Variants in CNBD1 observed in about 807,000 individuals in gnomAD.
CNBD1 encodes the protein cyclic nucleotide binding domain containing 1.
CNBD1 carries 71 observed loss-of-function variants against 54.4 expected under a neutral mutation model. The observed-to-expected ratio is 1.30, with a 90% confidence interval of 1.08 to 1.59. The LOEUF (loss-of-function observed/expected upper bound fraction) is 1.59, where lower values mean the gene tolerates loss of function less well. Ranked by LOEUF, CNBD1 falls within the 40% of genes most tolerant of loss-of-function variation. The pLI, the probability that CNBD1 is intolerant of heterozygous loss-of-function variation, is 0.00. For synonymous variants in CNBD1, 182 were observed against 170.7 expected (o/e 1.07, Z -0.51); for missense variants, 659 against 518.0 (o/e 1.27, Z -2.64).
chr8:87,099,065 A>AAAAAAAAAAAAAAAAAC (rs978372704), intron 4 of CNBD1, among the ~76,000 whole-genome samples: 3 of 144,064 alleles, frequency 2.1e-5, no homozygotes, highest in African/African-American at 8.3e-5. Context: ...AAAAAACAAA[A>AAAAAAAAAAAAAAAAAC]CTCCAAATTT....
chr8:87,133,327 A>G (rs1812159811), intron 4 of CNBD1, among the ~76,000 whole-genome samples: 1 of 152,100 alleles, frequency 6.6e-6, no homozygotes, highest in Non-Finnish European at 1.5e-5. Flanking sequence ...TGTATCCTCA[A>G]CATTGTGAAG....
At chr8:87,331,071 T>A (rs1809816860) in intron 8 of CNBD1, among the ~76,000 whole-genome samples, 1 of 152,172 alleles carries the variant, frequency 6.6e-6, no homozygotes, top group African/African-American at 2.4e-5. Context: ...TTTTTTACTT[T>A]AAGTTCGAGG....
chr8:87,248,204 C>T (rs1807845725), intron 6 of CNBD1, among the ~76,000 whole-genome samples: 1 of 152,146 alleles, frequency 6.6e-6, no homozygotes, highest in African/African-American at 2.4e-5. Flanking sequence ...GGTTGTGTAC[C>T]ATGGTGACTC....
Position 87,074,455 on chromosome 8 carries a change from G to T in CNBD1, c.432-131538G>T, listed in dbSNP as rs147781634. Among the ~76,000 whole-genome samples the T allele has an allele frequency of 4.3e-3, 661 of 152,184 alleles. 5 individuals are homozygous for T. The highest frequency in any genetic ancestry group is 0.015 in the African/African-American group (621 of 41,524). On this transcript the variant is annotated intron_variant, in intron 4 of 10. Transcript: ENST00000518476. Reference sequence around the variant, plus strand: ...TACAGACAGATCTCCCACCTTTTTGGGGATCCTGGGGCTGGAGTATGTAAA... The same window carrying T: ...TACAGACAGATCTCCCACCTTTTTGTGGATCCTGGGGCTGGAGTATGTAAA...
chr8:87,219,380 C>T (rs1319643247), intron 5 of CNBD1, among the ~76,000 whole-genome samples: 14 of 151,960 alleles, frequency 9.2e-5, no homozygotes, highest in Non-Finnish European at 2.1e-4. Flanking sequence ...TACATGTGGA[C>T]GTGATTACAC....
intron 10 of CNBD1, among the ~76,000 whole-genome samples, chr8:87,359,267 C>T (rs760406114): frequency 6.8e-6 from 1 of 146,610 alleles, no homozygotes; most frequent in Non-Finnish European, 1.5e-5. Context: ...AGTCTGCATA[C>T]ATCAGACTAT....
chr8:87,388,893 T>G (rs192282400), intron 2 of CNBD1, among the ~76,000 whole-genome samples: 1 of 152,276 alleles, frequency 6.6e-6, no homozygotes, highest in Non-Finnish European at 1.5e-5. Flanking sequence ...ATCAAAAAGC[T>G]TATCCAACAT....
chr8:87,336,985 T>C (rs1809956535), intron 8 of CNBD1, among the ~76,000 whole-genome samples: 2 of 152,120 alleles, frequency 1.3e-5, no homozygotes. Context: ...TGCTGGGGGT[T>C]CACTTCAGGT....
chr8:87,317,657 G>A (rs998410716), intron 8 of CNBD1, among the ~76,000 whole-genome samples: 1 of 151,748 alleles, frequency 6.6e-6, no homozygotes, highest in Non-Finnish European at 1.5e-5. Flanking sequence ...CTTGTGTTAT[G>A]GCTCAGAATA....
At chr8:87,384,672 T>A (rs186172706), downstream of CNBD1, among the ~76,000 whole-genome samples, 2 of 152,306 alleles carry the variant, frequency 1.3e-5, no homozygotes, top group East Asian at 3.9e-4. Context: ...ATGTATGTTT[T>A]TTTCCACTTA....
chr8:86,965,490 CCTT>C (rs1435857016), intron 4 of CNBD1, among the ~76,000 whole-genome samples: 1 of 152,148 alleles, frequency 6.6e-6, no homozygotes, highest in Non-Finnish European at 1.5e-5. Flanking sequence ...AGCCTGTCCT[CCTT>C]AAGTCTGGCA....
At chr8:86,975,565 CT>C (rs545852656) in intron 4 of CNBD1, among the ~76,000 whole-genome samples, 2 of 151,942 alleles carry the variant, frequency 1.3e-5, no homozygotes, top group Admixed American at 6.6e-5. Context: ...GAATTTTCTT[CT>C]TTTTTTAAGG....
chr8:87,025,701 C>A (rs1170666851), intron 4 of CNBD1, among the ~76,000 whole-genome samples: 1 of 152,222 alleles, frequency 6.6e-6, no homozygotes, highest in Admixed American at 6.5e-5. Flanking sequence ...GACAGGCAAC[C>A]TTTAAGAGCT....
chr8:87,156,681 G>A (rs982986796), intron 4 of CNBD1, among the ~76,000 whole-genome samples: 1 of 152,022 alleles, frequency 6.6e-6, no homozygotes, highest in South Asian at 2.1e-4. Flanking sequence ...AATGCTCTTT[G>A]ACAAATTTAA....
chr8:87,324,169 G>T (rs1220780566), intron 8 of CNBD1, among the ~76,000 whole-genome samples: 1 of 125,136 alleles, frequency 8.0e-6, no homozygotes, highest in African/African-American at 3.0e-5. Context: ...GATCATGGTG[G>T]ATAAGCTTTT....
chr8:86,890,236 T>A lies in CNBD1; in HGVS notation c.158+2625T>A, dbSNP rs896757412. The stretch of plus-strand genomic sequence containing the variant: ...GAATCTTTATACCCTTTCGTCAACA[T>A]CTCCACATTCCTCCCCAGCAACCTG... On this transcript the variant is annotated intron_variant, in intron 2 of 10. Transcript: ENST00000518476. 3.9e-5 allele frequency among the ~76,000 whole-genome samples: 6 copies of A among 152,044 alleles called. No homozygotes were observed. The East Asian group carries it at 1.2e-3, about 29-fold the overall frequency.
chr8:87,228,318 T>C (rs961302002), intron 5 of CNBD1, among the ~76,000 whole-genome samples: 1 of 150,956 alleles, frequency 6.6e-6, no homozygotes. Context: ...AGAGGCACTC[T>C]GATTTTTAGA....
intron 8 of CNBD1, among the ~76,000 whole-genome samples, chr8:87,302,549 G>A (rs1809030027): frequency 6.6e-6 from 1 of 151,878 alleles, no homozygotes; most frequent in African/African-American, 2.4e-5. Flanking sequence ...GGCAAAAACT[G>A]GAAGCATTCC....
chr8:87,085,273 G>A (rs1811074251), intron 4 of CNBD1, among the ~76,000 whole-genome samples: 1 of 151,990 alleles, frequency 6.6e-6, no homozygotes, highest in African/African-American at 2.4e-5. Context: ...TCATATGTGG[G>A]CCTGATTCTT....
Sources: allele counts gnomAD v4.1 joint callset (sites outside exome capture counted in the v4.1 genomes callset), GRCh38; gene constraint gnomAD v4.1.1; transcripts MANE v1.5; gene names NCBI Gene and HGNC (gene_info 2026-07-23, HGNC 2026-07-21).